Variants in AOPEP observed in about 807,000 individuals in gnomAD.
The protein encoded by AOPEP is aminopeptidase O (putative).
In AOPEP, 77 loss-of-function variants were observed where a neutral mutation model predicts 98.1. The observed-to-expected ratio is 0.78, with a 90% CI of 0.65 to 0.95. AOPEP has a LOEUF of 0.95. AOPEP is among the 40% of genes least tolerant of loss of function. The pLI is 0.00. For synonymous variants in AOPEP, 346 were observed against 365.3 expected, an observed-to-expected ratio of 0.95 and a Z score of 0.60; for missense variants, 1,024 against 1,024.7, an observed-to-expected ratio of 1.00 and a Z score of 0.01.
In AOPEP at chr9:95,066,571, A is replaced by G. The variant is rs750949610; in HGVS notation, c.2232+5761A>G. 7.9e-4 allele frequency among the ~76,000 whole-genome samples: 120 copies of G among 152,180 alleles called. 1 individual carries two copies. The highest frequency in any genetic ancestry group is 7.9e-4 in the Admixed American group (12 of 15,278). On this transcript the variant is annotated intron_variant, in intron 14 of 16. Transcript: ENST00000375315. ...TTAGCTACAGGTTCAGCCAGACTTT[A>G]TTAGAAAAGCCACTGGTTGCAGAGT...
At chr9:95,018,552 G>A (rs1175735830) in intron 13 of AOPEP, among the ~76,000 whole-genome samples, 2 of 152,160 alleles carry the variant, frequency 1.3e-5, no homozygotes, top group Non-Finnish European at 2.9e-5. Context: ...CTTTTGTTCT[G>A]TCAACTATTG....
At chr9:94,828,568 T>TG (rs1855176550) in intron 5 of AOPEP, among the ~76,000 whole-genome samples, 1 of 152,126 alleles carries the variant, frequency 6.6e-6, no homozygotes, top group South Asian at 2.1e-4. Context: ...TCTCAGGACC[T>TG]GGGGGCAAAG....
At chr9:95,104,756 T>A in the AOPEP span, among the ~76,000 whole-genome samples, 2 of 152,266 alleles carry the variant, frequency 1.3e-5, no homozygotes, top group Non-Finnish European at 2.9e-5. Context: ...CGCTGACCCC[T>A]GCTGCTAAGC....
At chr9:95,113,613 T>C in the AOPEP span, 1 of 149,464 alleles carries the variant, frequency 6.7e-6, no homozygotes, top group African/African-American at 2.5e-5. Context: ...GCAAGACCTC[T>C]ACAAAAAAAA....
chr9:94,903,355 A>G (rs1391178362), intron 5 of AOPEP, among the ~76,000 whole-genome samples: 1 of 152,044 alleles, frequency 6.6e-6, no homozygotes, highest in Non-Finnish European at 1.5e-5. Flanking sequence ...CTTCTGTTTC[A>G]AAGATCATAA....
chr9:94,780,290 C>T (rs1302277682), intron 3 of AOPEP, among the ~76,000 whole-genome samples: 4 of 152,086 alleles, frequency 2.6e-5, no homozygotes, highest in Non-Finnish European at 5.9e-5. Flanking sequence ...AGATTATTAT[C>T]AAAAAATTGA....
chr9:94,852,084 G>C (rs1193686037), intron 5 of AOPEP, among the ~76,000 whole-genome samples: 1 of 152,076 alleles, frequency 6.6e-6, no homozygotes, highest in Admixed American at 6.6e-5. Flanking sequence ...CCTAGAACAA[G>C]GGTGGACCCC....
chr9:94,808,454 G>A (rs1421432530), intron 5 of AOPEP, among the ~76,000 whole-genome samples: 1 of 152,190 alleles, frequency 6.6e-6, no homozygotes, highest in Non-Finnish European at 1.5e-5. Flanking sequence ...AATACCAAGT[G>A]GGAGTTGAGG....
At chr9:94,933,376 G>A (rs1440167792) in intron 7 of AOPEP, 14 of 985,370 alleles carry the variant, frequency 1.4e-5, no homozygotes, top group Non-Finnish European at 1.7e-5. Context: ...TTTTTTTATT[G>A]TTTGTGATTT....
intron 5 of AOPEP, among the ~76,000 whole-genome samples, chr9:94,838,017 AT>A (rs199526590): frequency 1.5e-4 from 22 of 149,490 alleles, no homozygotes; most frequent in East Asian, 5.9e-4. Flanking sequence ...AAACCCAGTA[AT>A]TTTTTTTTTT....
the AOPEP span, among the ~76,000 whole-genome samples, chr9:95,135,847 G>A: frequency 2.0e-5 from 3 of 152,170 alleles, no homozygotes; most frequent in African/African-American, 7.2e-5. Flanking sequence ...GAAGAAATAG[G>A]CATGTTCAAA....
At chr9:94,926,623 A>G (rs1236247300) in intron 6 of AOPEP, among the ~76,000 whole-genome samples, 1 of 151,930 alleles carries the variant, frequency 6.6e-6, no homozygotes, top group Non-Finnish European at 1.5e-5. Flanking sequence ...CCGTCCAGGG[A>G]GTGGGGGAGT....
At chr9:95,003,617 T>C (rs1171432594) in intron 11 of AOPEP, among the ~76,000 whole-genome samples, 2 of 152,256 alleles carry the variant, frequency 1.3e-5, no homozygotes, top group South Asian at 2.1e-4. Context: ...TTTACCTGCC[T>C]ATGTGCAAGA....
intron 5 of AOPEP, among the ~76,000 whole-genome samples, chr9:94,848,384 G>A (rs563472788): frequency 5.3e-5 from 8 of 149,644 alleles, no homozygotes; most frequent in Non-Finnish European, 8.9e-5. Context: ...CCCGGGAGGC[G>A]GATCTTGTAG....
At chr9:94,817,567 T>C (rs1028685966) in intron 5 of AOPEP, among the ~76,000 whole-genome samples, 2 of 152,204 alleles carry the variant, frequency 1.3e-5, no homozygotes, top group South Asian at 4.1e-4. Context: ...CTCCTGGGGC[T>C]TTGAAAATGA....
At chr9:95,112,910 C>T in the AOPEP span, among the ~76,000 whole-genome samples, 1,304 of 152,330 alleles carry the variant, frequency 8.6e-3, 19 homozygotes, top group Non-Finnish European at 0.012. Context: ...CCAGTCTTCA[C>T]GCATTTGACA....
chr9:95,033,269 C>T (rs550801921), intron 13 of AOPEP, among the ~76,000 whole-genome samples: 4 of 152,250 alleles, frequency 2.6e-5, no homozygotes, highest in South Asian at 2.1e-4. Flanking sequence ...CTAGTACTAA[C>T]GTCTCCTCCA....
intron 14 of AOPEP, chr9:95,065,591 G>C (rs2067800629): frequency 6.6e-6 from 1 of 152,270 alleles, no homozygotes; most frequent in South Asian, 2.1e-4. Flanking sequence ...CACCATTGTG[G>C]AACAGAGCCC....
chr9:94,855,125 T>G (rs1000548342), intron 5 of AOPEP, among the ~76,000 whole-genome samples: 1 of 152,144 alleles, frequency 6.6e-6, no homozygotes, highest in African/African-American at 2.4e-5. Context: ...TCACCCAGGC[T>G]GTCGTGCAAT....
Sources: gnomAD v4.1 joint callset for allele counts (sites outside exome capture counted in the v4.1 genomes callset) on GRCh38, gnomAD v4.1.1 for gene constraint, MANE v1.5 for transcripts, NCBI Gene and HGNC (gene_info 2026-07-23, HGNC 2026-07-21) for gene names.